The following MAPK10 variants were observed in gnomAD, a reference collection of about 807,000 sequenced individuals.
MAPK10 encodes the protein JNK3 alpha protein kinase.
Under a neutral mutation model 59.3 loss-of-function variants are expected in MAPK10, and 25 were observed. That is an observed-to-expected ratio of 0.42 (90% CI 0.31 to 0.59). MAPK10 has a LOEUF of 0.59. Among genes scored for constraint, MAPK10 ranks in the 20% least tolerant of loss-of-function variants. MAPK10 has a pLI of 0.15. For missense variants in MAPK10, 351 were observed against 568.9 expected, an observed-to-expected ratio of 0.62 and a Z score of 3.90; for synonymous variants, 190 against 200.5, an observed-to-expected ratio of 0.95 and a Z score of 0.44.
At chr4:86,217,416 CA>C (rs1180193918) in intron 2 of MAPK10, among the ~76,000 whole-genome samples, 2 of 152,134 alleles carry the variant, frequency 1.3e-5, no homozygotes, top group African/African-American at 4.8e-5. Context: ...CTAACAATCA[CA>C]AAAAACATTT....
intron 1 of MAPK10, among the ~76,000 whole-genome samples, chr4:86,555,951 T>C (rs1398435703): frequency 6.6e-6 from 1 of 152,166 alleles, no homozygotes; most frequent in East Asian, 1.9e-4. Context: ...AATAAAGTGG[T>C]TTAATTTGAA....
At chr4:86,388,895 T>C (rs938960642) in intron 1 of MAPK10, among the ~76,000 whole-genome samples, 3 of 152,088 alleles carry the variant, frequency 2.0e-5, no homozygotes, top group Admixed American at 1.3e-4. Flanking sequence ...TAATAAATAT[T>C]TGTTAAGTGA....
chr4:86,272,288 T>C (rs2094457434), intron 2 of MAPK10, among the ~76,000 whole-genome samples: 1 of 152,110 alleles, frequency 6.6e-6, no homozygotes, highest in Non-Finnish European at 1.5e-5. Context: ...TGCCTTTGCA[T>C]CTTTCCAGCA....
At chr4:86,422,833 G>T (rs1746712912) in intron 1 of MAPK10, among the ~76,000 whole-genome samples, 1 of 152,154 alleles carries the variant, frequency 6.6e-6, no homozygotes, top group African/African-American at 2.4e-5. Flanking sequence ...ATAACGAAAA[G>T]TGGAAAATCG....
At chr4:86,103,283 G>T in intron 5 of MAPK10, 39 bp from the exon 6 acceptor site, 3 of 986,996 alleles carry the variant, frequency 3.0e-6, no homozygotes, top group Non-Finnish European at 4.9e-6. Context: ...ACGAGAGAAA[G>T]AAAAAAGAGA....
At chr4:86,519,835 G>C (rs55908925) in intron 1 of MAPK10, among the ~76,000 whole-genome samples, 34,339 of 152,068 alleles carry the variant, frequency 0.23, 4,602 homozygotes, top group Admixed American at 0.3. Flanking sequence ...CTCAGGATTT[G>C]TTTGACTGAA....
At chr4:86,249,910 G>C (rs2093327611) in intron 2 of MAPK10, among the ~76,000 whole-genome samples, 1 of 152,130 alleles carries the variant, frequency 6.6e-6, no homozygotes, top group South Asian at 2.1e-4. Flanking sequence ...TATGGAGTCT[G>C]CATTTGACAG....
intron 1 of MAPK10, among the ~76,000 whole-genome samples, chr4:86,471,275 CAAAA>C (rs60423060): frequency 1.1e-4 from 11 of 96,852 alleles, no homozygotes; most frequent in African/African-American, 1.2e-4. Context: ...TGCCCCCCTG[CAAAA>C]AAAAAAAAAA....
intron 1 of MAPK10, among the ~76,000 whole-genome samples, chr4:86,538,534 G>A (rs1758429818): frequency 6.6e-6 from 1 of 152,170 alleles, no homozygotes; most frequent in Non-Finnish European, 1.5e-5. Context: ...TATTTTGGAT[G>A]CTTTTAGCCT....
chr4:86,100,859 A>G (rs2055224506), intron 8 of MAPK10, 193 bp downstream of exon 8: 1 of 507,494 alleles, frequency 2.0e-6, no homozygotes, highest in Non-Finnish European at 3.5e-6. Context: ...AGCAAAACTG[A>G]CTTCTCAATA....
chr4:86,446,112 T>C (rs1250622924), intron 1 of MAPK10, among the ~76,000 whole-genome samples: 1 of 152,138 alleles, frequency 6.6e-6, no homozygotes, highest in African/African-American at 2.4e-5. Flanking sequence ...GAGGGCATAA[T>C]ACAAAGGGCA....
intron 1 of MAPK10, among the ~76,000 whole-genome samples, chr4:86,551,747 G>A (rs1759806636): frequency 6.6e-6 from 1 of 152,098 alleles, no homozygotes; most frequent in Admixed American, 6.6e-5. Context: ...TGGAATCACA[G>A]GAGGGCACCA....
chr4:86,277,514 CA>C (rs1434454528), intron 2 of MAPK10, among the ~76,000 whole-genome samples: 1 of 152,052 alleles, frequency 6.6e-6, no homozygotes, highest in African/African-American at 2.4e-5. Context: ...GCTAATATAA[CA>C]AGCTTAAATT....
chr4:86,474,475 C>A (rs974897757), intron 1 of MAPK10, among the ~76,000 whole-genome samples: 36 of 152,302 alleles, frequency 2.4e-4, no homozygotes, highest in African/African-American at 8.7e-4. Context: ...TATCCATTGT[C>A]CTCCAAAAGC....
intron 1 of MAPK10, among the ~76,000 whole-genome samples, chr4:86,546,022 G>A (rs1480040027): frequency 1.3e-5 from 2 of 151,904 alleles, no homozygotes; most frequent in Admixed American, 6.6e-5. Flanking sequence ...AGGCCGAGGC[G>A]GGCGGACTGC....
At chr4:86,031,477 A>C (rs1401879910) in intron 11 of MAPK10, 46 bp from the exon 12 acceptor site, 1 of 1,336,048 alleles carries the variant, frequency 7.5e-7, no homozygotes, top group Non-Finnish European at 1.1e-6. Flanking sequence ...TAATGTAAAC[A>C]TAACTAAACT....
chr4:86,507,224 T>C (rs1755806875), intron 1 of MAPK10, among the ~76,000 whole-genome samples: 1 of 151,530 alleles, frequency 6.6e-6, no homozygotes, highest in African/African-American at 2.4e-5. Context: ...CCCAGAACAA[T>C]AGATGAAATA....
chr4:86,372,688 G>A (rs1251761761), intron 1 of MAPK10, among the ~76,000 whole-genome samples: 4 of 152,208 alleles, frequency 2.6e-5, no homozygotes, highest in Admixed American at 6.5e-5. Context: ...AATTAAGGCA[G>A]AAATAAATAA....
chr4:86,089,545 G>T, intron 9 of MAPK10: 2 of 317,036 alleles, frequency 6.3e-6, no homozygotes, highest in African/African-American at 2.1e-5. Context: ...ATAACTCAAT[G>T]ATTAATTTAG....
Sources: allele counts gnomAD v4.1 joint callset (sites outside exome capture counted in the v4.1 genomes callset), GRCh38; gene constraint gnomAD v4.1.1; transcripts MANE v1.5; gene names NCBI Gene and HGNC (gene_info 2026-07-23, HGNC 2026-07-21).